Variants in DTWD2 observed in about 807,000 individuals in gnomAD.
The protein encoded by DTWD2 is DTW motif tRNA-uridine aminocarboxypropyltransferase 2, also known as tRNA-uridine aminocarboxypropyltransferase 2.
DTWD2 carries 39 observed loss-of-function variants against 31.8 expected under a neutral mutation model. The observed-to-expected ratio is 1.22, with a 90% CI of 0.95 to 1.60. The LOEUF (loss-of-function observed/expected upper bound fraction) is 1.60. DTWD2 is among the 40% of genes most tolerant of loss of function. DTWD2 has a pLI of 0.00. For missense variants in DTWD2, 515 were observed against 381.5 expected, an observed-to-expected ratio of 1.35 and a Z score of -2.92; for synonymous variants, 180 against 142.8, an observed-to-expected ratio of 1.26 and a Z score of -1.86.
intron 5 of DTWD2, among the ~76,000 whole-genome samples, chr5:118,843,485 A>C (rs1228725732): frequency 1.3e-5 from 2 of 152,166 alleles, no homozygotes; most frequent in African/African-American, 4.8e-5. Context: ...TTAATGAGGA[A>C]AATAAGAGAG....
In DTWD2 at chr5:118,964,632, G is replaced by A. The variant is rs531961904; in HGVS notation, c.219-19983C>T. ...TTTTCGTATTTTTTTGGTGGAGACG[G>A]GGTTTCGCTGTGTTGGCCGGGCTGG... On this transcript the variant is annotated intron_variant, in intron 1 of 5. Coordinates refer to ENST00000510708, the MANE Select transcript of DTWD2 (RefSeq NM_173666.4). Among the ~76,000 whole-genome samples, 4 of 152,366 alleles carry A rather than the reference G, an allele frequency of 2.6e-5. No individual in the cohort carries two copies. In the South Asian group the frequency reaches 8.3e-4, roughly 32 times the overall value.
intron 4 of DTWD2, among the ~76,000 whole-genome samples, chr5:118,896,208 C>T (rs1384135774): frequency 6.6e-6 from 1 of 152,144 alleles, no homozygotes; most frequent in African/African-American, 2.4e-5. Flanking sequence ...AACTACAAAC[C>T]AGTGAATAAA....
chr5:118,884,996 CAAA>C (rs36042211), intron 4 of DTWD2, among the ~76,000 whole-genome samples: 1,079 of 49,718 alleles, frequency 0.022, 15 homozygotes, highest in African/African-American at 0.086. Context: ...ACTCCATCTC[CAAA>C]AAAAAAAAAA....
rs138397544 is a variant in DTWD2 at position 118,852,298 on chromosome 5, G to A, written c.598-4080C>T. On this transcript the variant is annotated intron_variant, in intron 4 of 5. Transcript: ENST00000510708. ...TTTACAATCAATTTGTACAGTTAAC[G>A]CAATCATCACAGAGTCCTGACGTGA... 6.4e-3 allele frequency among the ~76,000 whole-genome samples: 970 copies of A among 152,230 alleles called. 19 individuals carry two copies. The highest frequency in any genetic ancestry group is 0.022 in the African/African-American group (919 of 41,536).
chr5:118,852,554 A>T (rs1185046510), intron 4 of DTWD2, among the ~76,000 whole-genome samples: 1 of 152,230 alleles, frequency 6.6e-6, no homozygotes, highest in Non-Finnish European at 1.5e-5. Flanking sequence ...ATTATTAAAA[A>T]GTCAAAAAAT....
chr5:118,922,846 C>T (rs1753732807), intron 4 of DTWD2, among the ~76,000 whole-genome samples: 1 of 152,110 alleles, frequency 6.6e-6, no homozygotes, highest in Non-Finnish European at 1.5e-5. Context: ...TATCACTCTC[C>T]ACCCCAACCT....
rs1751579963 is a variant in DTWD2 at position 118,836,787 on chromosome 5, A to G, written c.*4130T>C. Among the ~76,000 whole-genome samples the G allele has an allele frequency of 6.6e-6, 1 of 152,206 alleles. No individual in the cohort carries two copies. The highest frequency in any genetic ancestry group is 1.5e-5 in the Non-Finnish European group (1 of 68,032). ...AGCTAGAATGCACCATCTATGAACC[A>G]GTGAGTGGGCCCCTCACCAGACACC... is the stretch of plus-strand genomic sequence containing the variant. On this transcript the variant is annotated 3_prime_UTR_variant, in exon 6 of 6. Transcript: ENST00000510708.
intron 4 of DTWD2, among the ~76,000 whole-genome samples, chr5:118,848,599 A>G (rs1403548224): frequency 6.6e-6 from 1 of 152,154 alleles, no homozygotes; most frequent in Non-Finnish European, 1.5e-5. Context: ...TAGCTAAAAT[A>G]AAAAAGGCTG....
chr5:118,919,976 G>A (rs535444390), intron 4 of DTWD2, among the ~76,000 whole-genome samples: 2 of 151,502 alleles, frequency 1.3e-5, no homozygotes, highest in Middle Eastern at 6.8e-3. Context: ...TCCTTTCTTT[G>A]TTTCATTGTA....
chr5:118,850,610 A>G (rs1326944185), intron 4 of DTWD2, among the ~76,000 whole-genome samples: 4 of 151,980 alleles, frequency 2.6e-5, no homozygotes, highest in African/African-American at 9.7e-5. Context: ...ACCTTGGCAA[A>G]GAATTTATTA....
intron 4 of DTWD2, among the ~76,000 whole-genome samples, chr5:118,849,863 C>T (rs1295505622): frequency 2.0e-5 from 3 of 151,906 alleles, no homozygotes; most frequent in East Asian, 1.9e-4. Flanking sequence ...ACATCACACA[C>T]CAGGGCCTGT....
chr5:118,857,217 A>G (rs1752157779), intron 4 of DTWD2, among the ~76,000 whole-genome samples: 1 of 152,062 alleles, frequency 6.6e-6, no homozygotes, highest in African/African-American at 2.4e-5. Context: ...GAACTTTCCT[A>G]TTCATGTGTG....
At chr5:118,967,459 C>G (rs1472010854) in intron 1 of DTWD2, among the ~76,000 whole-genome samples, 2 of 152,096 alleles carry the variant, frequency 1.3e-5, no homozygotes, top group Non-Finnish European at 2.9e-5. Context: ...GTGGTTGATT[C>G]TAGGGCTGGG....
At chr5:118,849,946 C>A (rs987881115) in intron 4 of DTWD2, among the ~76,000 whole-genome samples, 8 of 151,816 alleles carry the variant, frequency 5.3e-5, no homozygotes, top group Admixed American at 1.3e-4. Flanking sequence ...TTGAGCAAAC[C>A]ACCACGGCAC....
chr5:118,935,730 T>C (rs923505355), intron 3 of DTWD2, among the ~76,000 whole-genome samples: 5 of 152,172 alleles, frequency 3.3e-5, no homozygotes, highest in African/African-American at 1.2e-4. Context: ...TGAAGAGTTT[T>C]CAAATAGATA....
intron 4 of DTWD2, among the ~76,000 whole-genome samples, chr5:118,868,645 C>G (rs1259731045): frequency 1.3e-5 from 2 of 151,914 alleles, no homozygotes; most frequent in Admixed American, 6.6e-5. Context: ...TGAGACCAGC[C>G]TGGGCAAGAC....
At chr5:118,872,856 G>A (rs1297183783) in intron 4 of DTWD2, among the ~76,000 whole-genome samples, 2 of 152,208 alleles carry the variant, frequency 1.3e-5, no homozygotes, top group Non-Finnish European at 2.9e-5. Context: ...CAACTAGACA[G>A]AAGCAAGTAG....
chr5:118,838,083 A>T lies in DTWD2; in HGVS notation c.*2834T>A, dbSNP rs1751614404. ...CAATATAATTCTCCTATTCCACATA[A>T]GTCTTATAATCCAACCTGTAGAAAG... On this transcript the variant is annotated 3_prime_UTR_variant, in exon 6 of 6. Transcript: ENST00000510708. 1 of 152,222 alleles carries T rather than the reference A, an allele frequency of 6.6e-6. No homozygotes were observed. The highest frequency in any genetic ancestry group is 2.4e-5 in the African/African-American group (1 of 41,454). 9.4% of individuals were successfully genotyped at this position (152,222 alleles called of 1,614,324 possible). A position where few individuals can be genotyped will look rare whatever the true frequency, so the allele number is the denominator to read the frequency against.
chr5:118,927,617 C>T lies in DTWD2; in HGVS notation c.597+920G>A, dbSNP rs76030381. On this transcript the variant is annotated intron_variant, in intron 4 of 5. Transcript: ENST00000510708. ...AAGACTGTATATAAGTATATGGCAA[C>T]CAATCTGCTAACTTAGAGAAAAGAG... 3.9e-5 allele frequency among the ~76,000 whole-genome samples: 6 copies of T among 151,906 alleles called. No individual in the cohort carries two copies. In the South Asian group the frequency reaches 1.0e-3, roughly 26 times the overall value.
Sources: allele counts gnomAD v4.1 joint callset (sites outside exome capture counted in the v4.1 genomes callset), GRCh38; gene constraint gnomAD v4.1.1; transcripts MANE v1.5; gene names NCBI Gene and HGNC (gene_info 2026-07-23, HGNC 2026-07-21).